Variants in SLIT2 observed in about 807,000 individuals in gnomAD.
The protein encoded by SLIT2 is slit guidance ligand 2.
Under a neutral mutation model 185.7 loss-of-function variants are expected in SLIT2, and 41 were observed. The observed-to-expected ratio is 0.22, with a 90% confidence interval of 0.17 to 0.29. The LOEUF is 0.29. Ranked by LOEUF, SLIT2 falls within the 10% of genes least tolerant of loss-of-function variation. The probability of loss-of-function intolerance (pLI) is 1.00; values close to 1 mark genes in which losing one functional copy is unlikely to be tolerated. For missense variants in SLIT2, 1,571 were observed against 1,909.0 expected (o/e 0.82, Z 3.30); for synonymous variants, 693 against 680.2 (o/e 1.02, Z -0.29).
At chr4:20,543,551 G>C (rs912497416) in intron 21 of SLIT2, among the ~76,000 whole-genome samples, 3 of 152,202 alleles carry the variant, frequency 2.0e-5, no homozygotes, top group African/African-American at 7.2e-5. Context: ...AATTTATGCA[G>C]ATGTGTATCA....
In SLIT2 at chr4:20,614,164, C is replaced by T. The variant is rs927563866; in HGVS notation, c.3848-2746C>T. ...CTGGGATTACATGCATGAGCCACTG[C>T]GCTCGGCCGACACAAAATAATTTAG... On this transcript the variant is annotated intron_variant, in intron 34 of 36. Coordinates refer to ENST00000504154, the MANE Select transcript of SLIT2 (RefSeq NM_004787.4). Among the ~76,000 whole-genome samples, 6 of 152,220 alleles carry T rather than the reference C, an allele frequency of 3.9e-5. No individual in the cohort carries two copies. The South Asian group carries it at 6.2e-4, about 16-fold the overall frequency.
chr4:20,291,071 A>G (rs1715766544), intron 4 of SLIT2, among the ~76,000 whole-genome samples: 1 of 151,886 alleles, frequency 6.6e-6, no homozygotes, highest in Non-Finnish European at 1.5e-5. Context: ...CTGGCTCTCC[A>G]CTGAACTTAA....
In SLIT2 at chr4:20,575,745, G is replaced by A. The variant is rs187521579; in HGVS notation, c.3088+6741G>A. ...CTGTGCACAATTGTCCTTATGTAAG[G>A]AAAGCTGTACCCACAAAATTCAAGT... On this transcript the variant is annotated intron_variant, in intron 29 of 36. Transcript: ENST00000504154. Among the ~76,000 whole-genome samples, 111 of 152,094 alleles carry A rather than the reference G, an allele frequency of 7.3e-4. 1 individual carries two copies. Among genetic ancestry groups the A allele is most frequent in the South Asian group, 5.2e-3 (25 of 4,788 alleles).
Position 20,263,266 on chromosome 4 carries a change from A to G in SLIT2, c.323+5327A>G, listed in dbSNP as rs561580427. On this transcript the variant is annotated intron_variant, in intron 3 of 36. Transcript: ENST00000504154. ...AGTGTTATCTGCTGGACTGGAAAGC[A>G]TATTGATGAAAATGCTTTCAGAACG... Among the ~76,000 whole-genome samples the G allele has an allele frequency of 9.9e-5, 15 of 151,874 alleles. No homozygotes were observed. In the South Asian group the frequency reaches 1.0e-3, roughly 11 times the overall value.
chr4:20,452,199 G>A lies in SLIT2; in HGVS notation c.396-15553G>A, dbSNP rs111733875. On this transcript the variant is annotated intron_variant, in intron 4 of 36. Coordinates refer to ENST00000504154, the MANE Select transcript of SLIT2 (RefSeq NM_004787.4). ...ACTCCAAGCATCTTTTTAAGCCAGA[G>A]CAAATCCAGCCTGTGTCATTTTGTT... 1.7e-3 allele frequency among the ~76,000 whole-genome samples: 256 copies of A among 152,280 alleles called. 1 individual carries two copies. The highest frequency in any genetic ancestry group is 5.8e-3 in the African/African-American group (242 of 41,568).
At chr4:20,453,825 C>T (rs769770532) in intron 4 of SLIT2, among the ~76,000 whole-genome samples, 5 of 152,120 alleles carry the variant, frequency 3.3e-5, no homozygotes, top group African/African-American at 7.2e-5. Flanking sequence ...AAGCTCTAGT[C>T]GAACATGAGG....
chr4:20,325,043 T>C (rs1233434407), intron 4 of SLIT2, among the ~76,000 whole-genome samples: 1 of 152,046 alleles, frequency 6.6e-6, no homozygotes, highest in Non-Finnish European at 1.5e-5. Context: ...CTCCTCTTCC[T>C]CCTTCTCTCC....
chr4:20,467,885 T>C, intron 5 of SLIT2, 62 bp downstream of exon 5: 1 of 818,680 alleles, frequency 1.2e-6, no homozygotes, highest in Non-Finnish European at 1.9e-6. Flanking sequence ...AAGTCAAGTT[T>C]ATATTAAATA....
intron 26 of SLIT2, 192 bp downstream of exon 26, chr4:20,554,160 C>A: frequency 3.3e-6 from 2 of 603,468 alleles, no homozygotes; most frequent in Non-Finnish European, 5.9e-6. Flanking sequence ...TCAAATAAAT[C>A]TCAGAAATAG....
At position 20,589,639 on chromosome 4, in the gene SLIT2, T is replaced by G; in HGVS notation, c.3089-5T>G. On this transcript the variant is annotated splice_polypyrimidine_tract_variant and splice_region_variant and intron_variant, in intron 29 of 36. Transcript: ENST00000504154. The stretch of plus-strand genomic sequence containing the variant: ...TATGAGCTAACACTGTTTGCCCTGT[T>G]GCAGGTGAGTTGTGTGAGGAGAAGC... 1 of 1,612,664 alleles carries G rather than the reference T, an allele frequency of 6.2e-7. No individual in the cohort carries two copies. Among genetic ancestry groups the G allele is most frequent in the Non-Finnish European group, 8.5e-7 (1 of 1,178,828 alleles).
chr4:20,283,750 G>T (rs1221785031), intron 4 of SLIT2, among the ~76,000 whole-genome samples: 1 of 152,024 alleles, frequency 6.6e-6, no homozygotes, highest in East Asian at 1.9e-4. Flanking sequence ...TTCAAAGCTT[G>T]ATATTAAATA....
At chr4:20,490,497 A>C (rs1717689726) in intron 8 of SLIT2, among the ~76,000 whole-genome samples, 1 of 152,152 alleles carries the variant, frequency 6.6e-6, no homozygotes, top group Non-Finnish European at 1.5e-5. Flanking sequence ...CAGCTTCAGA[A>C]GTATCTGTTC....
At chr4:20,257,823 T>C (rs1577330635) in intron 2 of SLIT2, 45 bp from the exon 3 acceptor site, 1 of 924,946 alleles carries the variant, frequency 1.1e-6, no homozygotes, top group Non-Finnish European at 1.8e-6. Flanking sequence ...TTTATTCAGA[T>C]GGTGAGTGGT....
At position 20,568,859 on chromosome 4, in the gene SLIT2, A is replaced by G; in HGVS notation, c.2949-6A>G. 1 of 1,610,234 alleles carries G rather than the reference A, an allele frequency of 6.2e-7. No individual in the cohort carries two copies. The highest frequency in any genetic ancestry group is 8.5e-7 in the Non-Finnish European group (1 of 1,177,430). ...TGTTTTTTGCCTTTTCTCCTCTGGC[A>G]TTCAGGTGTATTTGTGCTGATGGAT... is the stretch of plus-strand genomic sequence containing the variant. On this transcript the variant is annotated splice_polypyrimidine_tract_variant and splice_region_variant and intron_variant, in intron 28 of 36. Transcript: ENST00000504154.
At chr4:20,329,656 A>T (rs745697008) in intron 4 of SLIT2, among the ~76,000 whole-genome samples, 3 of 152,098 alleles carry the variant, frequency 2.0e-5, no homozygotes, top group Non-Finnish European at 2.9e-5. Context: ...GATTTTGCTC[A>T]CATCTCTCAA....
intron 29 of SLIT2, among the ~76,000 whole-genome samples, chr4:20,579,894 T>G (rs1406604364): frequency 6.7e-6 from 1 of 149,962 alleles, no homozygotes; most frequent in Non-Finnish European, 1.5e-5. Flanking sequence ...GCAGTATTTT[T>G]TAAAGAAAAA....
chr4:20,306,696 G>A (rs925024081), intron 4 of SLIT2, among the ~76,000 whole-genome samples: 2 of 151,836 alleles, frequency 1.3e-5, no homozygotes, highest in Non-Finnish European at 2.9e-5. Flanking sequence ...GAGAAATCTT[G>A]CCTCTGTGCC....
rs199908862 is a variant in SLIT2 at position 20,472,208 on chromosome 4, ATGTG to A, written c.467+4397_467+4400del. On this transcript the variant is annotated intron_variant, in intron 5 of 36. Coordinates refer to ENST00000504154, the MANE Select transcript of SLIT2 (RefSeq NM_004787.4). ...ATATTTAGGAAAAATTGCTTTAGAA[ATGTG>A]TGTGTGTGTGTATATATATATAGAT... 3.1e-5 allele frequency among the ~76,000 whole-genome samples: 4 copies of A among 128,352 alleles called. No homozygotes were observed. In the East Asian group the frequency reaches 6.8e-4, roughly 22 times the overall value. 84.2% of individuals were successfully genotyped at this position (128,352 alleles called of 152,430 possible). A position where few individuals can be genotyped will look rare whatever the true frequency, so the allele number is the denominator to read the frequency against.
chr4:20,488,899 G>C lies in SLIT2; in HGVS notation c.692G>C (p.Gly231Ala). ...SDWLRQRPRV[G>A]LYTQCMGPSH... ...TGGCTTCGCCAAAGGCCTCGGGTTG[G>C]TCTGTACACTCAGTGTATGGGCCCC... is the stretch of plus-strand genomic sequence containing the variant. The change falls in exon 8 of 37, where the codon GGT becomes GCT. Residue 231 changes from glycine (G) to alanine (A), a missense_variant. This residue lies in a region of SLIT2 where 1,202 missense variants were observed against 1,416.4 expected (regional missense o/e 0.85). Transcript: ENST00000504154. 6.2e-7 allele frequency: 1 copy of C among 1,613,200 alleles called. No homozygotes were observed. The highest frequency in any genetic ancestry group is 8.5e-7 in the Non-Finnish European group (1 of 1,179,266).
Sources: gnomAD v4.1 joint callset for allele counts (sites outside exome capture counted in the v4.1 genomes callset) on GRCh38, gnomAD v4.1.1 for gene constraint, gnomAD v4.1.1 regional missense constraint, MANE v1.5 for transcripts, NCBI Gene and HGNC (gene_info 2026-07-23, HGNC 2026-07-21) for gene names.